The following LPAR3 variants were observed in gnomAD, a reference collection of about 807,000 sequenced individuals.
LPAR3 encodes LPA receptor 3.
Under a neutral mutation model 17.8 loss-of-function variants are expected in LPAR3, and 7 were observed. The ratio of observed to expected loss-of-function variants is 0.39; its 90% confidence interval spans 0.22 to 0.74. The LOEUF is 0.74. LPAR3 is among the 30% of genes least tolerant of loss of function. The probability of loss-of-function intolerance (pLI) is 0.40; values close to 1 mark genes in which losing one functional copy is unlikely to be tolerated. For missense variants in LPAR3, 391 were observed against 453.4 expected (o/e 0.86, Z 1.25); for synonymous variants, 179 against 179.9 (o/e 0.99, Z 0.04).
intron 2 of LPAR3, among the ~76,000 whole-genome samples, chr1:84,846,965 G>T (rs1296566955): frequency 2.0e-5 from 3 of 152,138 alleles, no homozygotes; most frequent in Non-Finnish European, 4.4e-5. Flanking sequence ...AAATGGGAGG[G>T]TATGAGGTAT....
At chr1:84,857,327 A>G (rs578163377) in intron 2 of LPAR3, among the ~76,000 whole-genome samples, 43 of 152,314 alleles carry the variant, frequency 2.8e-4, no homozygotes, top group African/African-American at 1.0e-3. Context: ...GTATTAACTC[A>G]TTGAATCCTC....
intron 2 of LPAR3, among the ~76,000 whole-genome samples, chr1:84,837,599 T>G (rs2102752891): frequency 6.6e-6 from 1 of 152,320 alleles, no homozygotes; most frequent in South Asian, 2.1e-4. Context: ...ATTAGCGAAG[T>G]CTTTATTATA....
chr1:84,834,539 A>T (rs1659359153), intron 2 of LPAR3, among the ~76,000 whole-genome samples: 1 of 152,096 alleles, frequency 6.6e-6, no homozygotes, highest in South Asian at 2.1e-4. Context: ...TTGCTTGGCA[A>T]TTCTAGTTAG....
chr1:84,846,787 G>A (rs1659601247), intron 2 of LPAR3, among the ~76,000 whole-genome samples: 2 of 151,998 alleles, frequency 1.3e-5, no homozygotes. Flanking sequence ...TAATAAAATA[G>A]TTTATTTCTA....
intron 2 of LPAR3, among the ~76,000 whole-genome samples, chr1:84,835,275 T>C (rs891372259): frequency 7.9e-5 from 12 of 152,196 alleles, no homozygotes; most frequent in African/African-American, 1.7e-4. Context: ...ATTCTACACC[T>C]TTGATTAACG....
At chr1:84,851,643 G>C (rs564790774) in intron 2 of LPAR3, among the ~76,000 whole-genome samples, 1 of 152,342 alleles carries the variant, frequency 6.6e-6, no homozygotes, top group East Asian at 1.9e-4. Context: ...GCAGACTCTT[G>C]AGTCGGATCT....
At chr1:84,884,866 A>ATAC (rs1050724995) in intron 1 of LPAR3, among the ~76,000 whole-genome samples, 12 of 152,232 alleles carry the variant, frequency 7.9e-5, no homozygotes, top group African/African-American at 2.9e-4. Context: ...GGAAAGTTGC[A>ATAC]TACTTGCAGT....
rs200132008 is a variant in LPAR3 at position 84,817,083 on chromosome 1, AT to A, written c.737-2913del. On this transcript the variant is annotated intron_variant, in intron 2 of 2. Coordinates refer to ENST00000370611, the MANE Select transcript of LPAR3 (RefSeq NM_012152.3). ...TCATTCATATTTGTTAATGCTGAGA[AT>A]TTTTTTTTTAAAGTAATCTGGGCAT... is the stretch of plus-strand genomic sequence containing the variant. Among the ~76,000 whole-genome samples the A allele has an allele frequency of 1.3e-3, 198 of 150,852 alleles. 1 individual carries two copies. In the South Asian group the frequency reaches 0.021, roughly 16 times the overall value.
intron 2 of LPAR3, among the ~76,000 whole-genome samples, chr1:84,836,179 A>G (rs1351261770): frequency 6.6e-6 from 1 of 151,496 alleles, no homozygotes; most frequent in Non-Finnish European, 1.5e-5. Flanking sequence ...TCTACAAAAA[A>G]ATATAAAAAT....
At chr1:84,886,165 C>G (rs1281347851) in intron 1 of LPAR3, among the ~76,000 whole-genome samples, 1 of 152,136 alleles carries the variant, frequency 6.6e-6, no homozygotes, top group Non-Finnish European at 1.5e-5. Context: ...CAACTTCGTA[C>G]CTTTTAATCT....
At chr1:84,822,408 G>A (rs936846201) in intron 2 of LPAR3, among the ~76,000 whole-genome samples, 1 of 152,150 alleles carries the variant, frequency 6.6e-6, no homozygotes, top group Non-Finnish European at 1.5e-5. Flanking sequence ...GCACTGAGAT[G>A]ATATCTTAAT....
At chr1:84,891,158 G>GAAAAAA (rs1660545746) in intron 1 of LPAR3, among the ~76,000 whole-genome samples, 1 of 98,480 alleles carries the variant, frequency 1.0e-5, no homozygotes. Context: ...GGTCTGATCT[G>GAAAAAA]ATAAAAAAAA....
intron 2 of LPAR3, among the ~76,000 whole-genome samples, chr1:84,861,496 T>C (rs1570890887): frequency 6.6e-6 from 1 of 152,246 alleles, no homozygotes; most frequent in African/African-American, 2.4e-5. Flanking sequence ...AATTGAACTT[T>C]GTAACTTGTA....
chr1:84,814,473 A>C (rs572629559), intron 2 of LPAR3, among the ~76,000 whole-genome samples: 11 of 152,162 alleles, frequency 7.2e-5, no homozygotes, highest in Non-Finnish European at 1.3e-4. Context: ...CACATGCATG[A>C]TCTCCGTTAG....
At chr1:84,883,291 G>C (rs1010512404) in intron 1 of LPAR3, among the ~76,000 whole-genome samples, 1 of 152,178 alleles carries the variant, frequency 6.6e-6, no homozygotes, top group Non-Finnish European at 1.5e-5. Flanking sequence ...ACCAAAGGAA[G>C]AATCCTTTCC....
At chr1:84,864,402 A>G (rs895076859) in intron 2 of LPAR3, among the ~76,000 whole-genome samples, 3 of 152,216 alleles carry the variant, frequency 2.0e-5, no homozygotes, top group African/African-American at 7.2e-5. Flanking sequence ...AACTCCCACA[A>G]GCTTAGCATT....
chr1:84,861,486 A>G (rs753423620), intron 2 of LPAR3, among the ~76,000 whole-genome samples: 1 of 152,186 alleles, frequency 6.6e-6, no homozygotes, highest in Non-Finnish European at 1.5e-5. Context: ...CATAAAGGAT[A>G]ATTGAACTTT....
At chr1:84,892,189 G>A (rs1467353526) in intron 1 of LPAR3, among the ~76,000 whole-genome samples, 2 of 151,334 alleles carry the variant, frequency 1.3e-5, no homozygotes, top group Non-Finnish European at 2.9e-5. Context: ...CTCCAGCCCG[G>A]ATGATAGTGC....
Position 84,813,145 on chromosome 1 carries a change from A to ATG in LPAR3, c.*700_*701insCA, listed in dbSNP as rs1658848982. 8.6e-6 allele frequency: 1 copy of ATG among 116,814 alleles called. No homozygotes were observed. Among genetic ancestry groups the ATG allele is most frequent in the East Asian group, 2.6e-4 (1 of 3,870 alleles). 7.2% of individuals were successfully genotyped at this position (116,814 alleles called of 1,614,324 possible). A position where few individuals can be genotyped will look rare whatever the true frequency, so the allele number is the denominator to read the frequency against. On this transcript the variant is annotated 3_prime_UTR_variant, in exon 3 of 3. Coordinates refer to ENST00000370611, the MANE Select transcript of LPAR3 (RefSeq NM_012152.3). The stretch of plus-strand genomic sequence containing the variant: ...AACAGGAATATATATATATATATAT[A>ATG]TATATATATATATAGACACACACAC...
Sources: gnomAD v4.1 joint callset for allele counts (sites outside exome capture counted in the v4.1 genomes callset) on GRCh38, gnomAD v4.1.1 for gene constraint, MANE v1.5 for transcripts, NCBI Gene and HGNC (gene_info 2026-07-23, HGNC 2026-07-21) for gene names.